Variants in PITPNC1 observed in about 807,000 individuals in gnomAD.
The protein encoded by PITPNC1 is phosphatidylinositol transfer protein cytoplasmic 1.
Under a neutral mutation model 44.7 loss-of-function variants are expected in PITPNC1, and 18 were observed. That is an observed-to-expected ratio of 0.40 (90% CI 0.28 to 0.60). PITPNC1 has a LOEUF of 0.60. Among genes scored for constraint, PITPNC1 ranks in the 20% least tolerant of loss-of-function variants. PITPNC1 has a pLI of 0.39. For missense variants in PITPNC1, 290 were observed against 418.4 expected (o/e 0.69, Z 2.68); for synonymous variants, 141 against 149.6 (o/e 0.94, Z 0.42).
Position 67,632,166 on chromosome 17 carries a change from C to T in PITPNC1, c.390C>T (p.Asp130=), listed in dbSNP as rs562528669. The T allele has an allele frequency of 8.1e-6, 13 of 1,612,004 alleles. No individual in the cohort carries two copies. The highest frequency in any genetic ancestry group is 1.6e-4 in the Middle Eastern group (1 of 6,080). Residue 130 remains aspartate, a synonymous_variant, in exon 6 of 9, where the codon GAC becomes GAT. Coordinates refer to ENST00000581322, the MANE Select transcript of PITPNC1 (RefSeq NM_012417.4). ...NDTIFDNEAK[D]VEREVCFIDI... ...AGATTTTCGACAATGAAGCCAAAGA[C>T]GTGGAGAGAGAAGTTTGCTTTATTG...
chr17:67,564,732 C>T (rs535559645), intron 4 of PITPNC1, among the ~76,000 whole-genome samples: 18 of 152,238 alleles, frequency 1.2e-4, no homozygotes, highest in African/African-American at 4.3e-4. Flanking sequence ...CTTGTGACTT[C>T]CTGTAAGATA....
intron 1 of PITPNC1, among the ~76,000 whole-genome samples, chr17:67,413,335 A>G (rs1373795652): frequency 1.3e-5 from 2 of 151,784 alleles, no homozygotes; most frequent in African/African-American, 2.4e-5. Context: ...TAGCTCAGCT[A>G]TAGAATTACT....
chr17:67,669,483 ATTTC>A, intron 6 of PITPNC1, 21 bp from the exon 7 acceptor site: 1 of 1,434,244 alleles, frequency 7.0e-7, no homozygotes. Context: ...TAATATATCA[ATTTC>A]TTTGATTTTT....
chr17:67,651,522 C>T (rs944966562), intron 6 of PITPNC1, among the ~76,000 whole-genome samples: 1 of 151,630 alleles, frequency 6.6e-6, no homozygotes, highest in African/African-American at 2.4e-5. Flanking sequence ...AAAAAAAAAA[C>T]CCAAAAAAAC....
At chr17:67,659,256 G>C (rs539093198) in intron 6 of PITPNC1, among the ~76,000 whole-genome samples, 1 of 152,182 alleles carries the variant, frequency 6.6e-6, no homozygotes, top group African/African-American at 2.4e-5. Context: ...AGAGTGCATT[G>C]TTTCTCACAA....
At chr17:67,522,972 C>T (rs2040347560) in intron 1 of PITPNC1, among the ~76,000 whole-genome samples, 1 of 152,050 alleles carries the variant, frequency 6.6e-6, no homozygotes, top group Admixed American at 6.6e-5. Context: ...GCCTGGCCCA[C>T]TGTAACCAAT....
intron 8 of PITPNC1, among the ~76,000 whole-genome samples, chr17:67,679,639 C>T (rs1425384282): frequency 2.0e-5 from 3 of 152,196 alleles, no homozygotes; most frequent in Non-Finnish European, 4.4e-5. Flanking sequence ...TTGGCTGTCA[C>T]GAAACTGTTT....
intron 1 of PITPNC1, among the ~76,000 whole-genome samples, chr17:67,399,095 A>G (rs905490676): frequency 6.8e-6 from 1 of 147,320 alleles, no homozygotes; most frequent in African/African-American, 2.6e-5. Flanking sequence ...GCTCACTGCA[A>G]CTTCCGCCTC....
chr17:67,457,858 T>C (rs183307234), intron 1 of PITPNC1: 1 of 152,352 alleles, frequency 6.6e-6, no homozygotes, highest in Admixed American at 6.5e-5. Context: ...AAAATGTTGC[T>C]TCTCCTTCAC....
chr17:67,504,839 G>A (rs910839527), intron 1 of PITPNC1, among the ~76,000 whole-genome samples: 1 of 152,074 alleles, frequency 6.6e-6, no homozygotes, highest in Non-Finnish European at 1.5e-5. Context: ...TTATTGATGC[G>A]AAATCTTTTT....
intron 1 of PITPNC1, among the ~76,000 whole-genome samples, chr17:67,410,495 C>T (rs534934383): frequency 6.6e-6 from 1 of 152,232 alleles, no homozygotes; most frequent in Non-Finnish European, 1.5e-5. Context: ...GTGATCCTCC[C>T]ACCTCAGCCT....
Position 67,599,034 on chromosome 17 carries a change from A to ATTTTTTT in PITPNC1, c.366+20791_366+20797dup, listed in dbSNP as rs1160152426. On this transcript the variant is annotated intron_variant, in intron 5 of 8. Transcript: ENST00000581322. Reference sequence around the variant, plus strand: ...TATATATATATATATATATATATATATTTTTTTTTTTTTTTTTTTTACCAT... The same window carrying ATTTTTTT: ...TATATATATATATATATATATATATATTTTTTTTTTTTTTTTTTTTTTTTTTTACCAT... Among the ~76,000 whole-genome samples the ATTTTTTT allele has an allele frequency of 3.6e-4, 13 of 35,678 alleles. 1 individual carries two copies. Among genetic ancestry groups the ATTTTTTT allele is most frequent in the African/African-American group, 1.3e-3 (11 of 8,726 alleles). The allele number at this position is 35,678 out of a possible 152,430, so 23.4% of individuals were successfully genotyped here.
intron 8 of PITPNC1, among the ~76,000 whole-genome samples, chr17:67,687,390 A>G (rs1022212008): frequency 6.6e-6 from 1 of 152,142 alleles, no homozygotes. Context: ...AAGTTGCTTG[A>G]CGTGGAGGTT....
intron 1 of PITPNC1, among the ~76,000 whole-genome samples, chr17:67,483,559 C>A (rs934649079): frequency 3.3e-5 from 5 of 152,176 alleles, no homozygotes; most frequent in Non-Finnish European, 7.3e-5. Flanking sequence ...CGTTGCCACT[C>A]TGGGGTATGA....
intron 1 of PITPNC1, among the ~76,000 whole-genome samples, chr17:67,379,899 C>T (rs775466602): frequency 9.2e-5 from 14 of 152,164 alleles, no homozygotes; most frequent in Non-Finnish European, 1.3e-4. Flanking sequence ...CTACTAACTA[C>T]AAAATCTCTT....
intron 1 of PITPNC1, among the ~76,000 whole-genome samples, chr17:67,424,440 TGAGGCCAGGAGTTC>T (rs2038715333): frequency 6.6e-6 from 1 of 152,102 alleles, no homozygotes; most frequent in South Asian, 2.1e-4. Context: ...GAAGATAACC[TGAGGCCAGGAGTTC>T]GAGACCAGCC....
At chr17:67,668,865 A>G (rs964292275) in intron 6 of PITPNC1, among the ~76,000 whole-genome samples, 2 of 152,198 alleles carry the variant, frequency 1.3e-5, no homozygotes, top group Admixed American at 6.5e-5. Context: ...CCATCTCAAA[A>G]AAAAGAAAGA....
At chr17:67,658,746 C>T (rs1472706509) in intron 6 of PITPNC1, among the ~76,000 whole-genome samples, 1 of 152,034 alleles carries the variant, frequency 6.6e-6, no homozygotes, top group Non-Finnish European at 1.5e-5. Context: ...GGAGCTTGGA[C>T]TCCTGCTTTC....
chr17:67,651,744 C>T (rs2042211865), intron 6 of PITPNC1, among the ~76,000 whole-genome samples: 1 of 152,230 alleles, frequency 6.6e-6, no homozygotes, highest in African/African-American at 2.4e-5. Context: ...CACTGATCTA[C>T]TTTCTGTCTC....
Sources: gnomAD v4.1 joint callset for allele counts (sites outside exome capture counted in the v4.1 genomes callset) on GRCh38, gnomAD v4.1.1 for gene constraint, MANE v1.5 for transcripts, NCBI Gene and HGNC (gene_info 2026-07-23, HGNC 2026-07-21) for gene names.